RIMS1: variants seen among roughly 807,000 people sequenced by gnomAD.
RIMS1 encodes regulating synaptic membrane exocytosis protein 1.
Under a neutral mutation model 214.1 loss-of-function variants are expected in RIMS1, and 83 were observed. That is an observed-to-expected ratio of 0.39 (90% CI 0.32 to 0.47). The LOEUF is 0.47. Ranked by LOEUF, RIMS1 falls within the 20% of genes least tolerant of loss-of-function variation. The pLI, the probability that RIMS1 is intolerant of heterozygous loss-of-function variation, is 0.99. For synonymous variants in RIMS1, 793 were observed against 786.8 expected (o/e 1.01, Z -0.13); for missense variants, 2,050 against 2,161.8 (o/e 0.95, Z 1.03).
chr6:72,117,075 A>G (rs1484781928), intron 4 of RIMS1, among the ~76,000 whole-genome samples: 1 of 151,992 alleles, frequency 6.6e-6, no homozygotes, highest in Non-Finnish European at 1.5e-5. Context: ...TCCGTTCCTC[A>G]TATCTGGTCA....
intron 2 of RIMS1, among the ~76,000 whole-genome samples, chr6:72,037,640 T>C (rs959867882): frequency 6.6e-6 from 1 of 152,134 alleles, no homozygotes; most frequent in Admixed American, 6.6e-5. Context: ...ATCAAGATAG[T>C]AAACATATCC....
chr6:72,304,657 T>G (rs1319798680), intron 26 of RIMS1, among the ~76,000 whole-genome samples: 1 of 151,960 alleles, frequency 6.6e-6, no homozygotes. Context: ...ACATTTACAC[T>G]GAAGGTTTTT....
intron 4 of RIMS1, among the ~76,000 whole-genome samples, chr6:72,162,410 A>G (rs1417341634): frequency 2.1e-5 from 3 of 140,516 alleles, no homozygotes; most frequent in African/African-American, 4.9e-5. Flanking sequence ...ATTGTTATGT[A>G]TGAATTTGAT....
chr6:72,216,966 G>A, intron 6 of RIMS1: 1 of 1,365,744 alleles, frequency 7.3e-7, no homozygotes. Flanking sequence ...CTGTTTTGAT[G>A]ACAGCAGCAC....
intron 1 of RIMS1, among the ~76,000 whole-genome samples, chr6:71,965,547 G>A (rs1222120953): frequency 2.6e-5 from 4 of 152,214 alleles, no homozygotes; most frequent in Non-Finnish European, 4.4e-5. Flanking sequence ...GGAAGTGGCT[G>A]AGTGGGCAGT....
intron 4 of RIMS1, among the ~76,000 whole-genome samples, chr6:72,119,178 CAAT>C (rs1250079525): frequency 1.3e-5 from 2 of 151,738 alleles, no homozygotes; most frequent in African/African-American, 4.8e-5. Context: ...TACACACCAA[CAAT>C]GACTGAGCTG....
intron 7 of RIMS1, among the ~76,000 whole-genome samples, 171 bp from the exon 8 acceptor site, chr6:72,235,447 G>A (rs968108751): frequency 6.6e-5 from 10 of 151,974 alleles, no homozygotes; most frequent in Non-Finnish European, 1.0e-4. Context: ...GTGAGAACAT[G>A]CAGTGTTTAA....
chr6:72,157,199 G>T (rs750473520), intron 4 of RIMS1, among the ~76,000 whole-genome samples: 1 of 140,722 alleles, frequency 7.1e-6, no homozygotes, highest in Non-Finnish European at 1.6e-5. Flanking sequence ...CGGGATTTAT[G>T]TGTCAGGCAT....
chr6:72,194,079 T>C (rs534775779), intron 6 of RIMS1, among the ~76,000 whole-genome samples: 3 of 152,178 alleles, frequency 2.0e-5, no homozygotes, highest in African/African-American at 7.2e-5. Flanking sequence ...AAAACACCGA[T>C]GAAATAAATA....
At chr6:71,940,064 C>A (rs564989049) in intron 1 of RIMS1, among the ~76,000 whole-genome samples, 3 of 152,088 alleles carry the variant, frequency 2.0e-5, no homozygotes, top group Non-Finnish European at 2.9e-5. Context: ...TTAAATAAGA[C>A]CATTGTCATG....
chr6:71,911,914 G>T (rs1209829596), intron 1 of RIMS1, among the ~76,000 whole-genome samples: 2 of 152,074 alleles, frequency 1.3e-5, no homozygotes, highest in Non-Finnish European at 2.9e-5. Context: ...CTTGGTTTAA[G>T]ACCCCTGGGA....
chr6:71,995,170 T>G (rs1803010833), intron 2 of RIMS1, among the ~76,000 whole-genome samples: 1 of 152,128 alleles, frequency 6.6e-6, no homozygotes, highest in African/African-American at 2.4e-5. Context: ...GAATTATTTA[T>G]AAAAAACAGA....
chr6:71,948,145 A>G (rs1788443057), intron 1 of RIMS1, among the ~76,000 whole-genome samples: 1 of 152,190 alleles, frequency 6.6e-6, no homozygotes. Context: ...TACACCATAC[A>G]GTGAAAATAT....
chr6:72,154,696 A>G (rs545244032), intron 4 of RIMS1, among the ~76,000 whole-genome samples: 1 of 140,856 alleles, frequency 7.1e-6, no homozygotes, highest in Admixed American at 7.3e-5. Context: ...TAAGAATAGA[A>G]ACATCAAAGA....
intron 2 of RIMS1, among the ~76,000 whole-genome samples, chr6:72,049,677 C>T (rs529579508): frequency 2.8e-4 from 43 of 152,174 alleles, no homozygotes; most frequent in African/African-American, 9.1e-4. Context: ...ATAATTTTTG[C>T]TTTGTAGACA....
At chr6:72,115,492 G>A (rs559347091) in intron 4 of RIMS1, among the ~76,000 whole-genome samples, 13 of 151,760 alleles carry the variant, frequency 8.6e-5, no homozygotes, top group South Asian at 2.1e-4. Flanking sequence ...ATTTCTTCCC[G>A]CTTAGACTTT....
At chr6:72,104,110 A>T (rs752208694) in intron 4 of RIMS1, among the ~76,000 whole-genome samples, 1 of 152,048 alleles carries the variant, frequency 6.6e-6, no homozygotes, top group Non-Finnish European at 1.5e-5. Context: ...CTAAACAGGA[A>T]CTCTGAAATT....
chr6:72,253,465 T>A (rs754979963), intron 16 of RIMS1, among the ~76,000 whole-genome samples: 1 of 152,200 alleles, frequency 6.6e-6, no homozygotes, highest in Non-Finnish European at 1.5e-5. Flanking sequence ...TCATCTGACT[T>A]CTGTCAGAAA....
At chr6:71,902,343 T>A (rs1773902639) in intron 1 of RIMS1, among the ~76,000 whole-genome samples, 1 of 152,050 alleles carries the variant, frequency 6.6e-6, no homozygotes, top group Non-Finnish European at 1.5e-5. Flanking sequence ...ATTACTGATC[T>A]ACAGATGAAG....
Sources: gnomAD v4.1 joint callset for allele counts (sites outside exome capture counted in the v4.1 genomes callset) on GRCh38, gnomAD v4.1.1 for gene constraint, MANE v1.5 for transcripts, NCBI Gene and HGNC (gene_info 2026-07-23, HGNC 2026-07-21) for gene names.